The following PSG6 variants were observed in gnomAD, a reference collection of about 807,000 sequenced individuals.
The protein encoded by PSG6 is pregnancy specific beta-1-glycoprotein 6.
A neutral mutation model predicts 43.3 loss-of-function variants in PSG6; 51 were observed. That is an observed-to-expected ratio of 1.18 (90% CI 0.94 to 1.49). The LOEUF (loss-of-function observed/expected upper bound fraction) is 1.49, where lower values mean the gene tolerates loss of function less well. Among genes scored for constraint, PSG6 ranks in the 40% most tolerant of loss-of-function variants. The probability of loss-of-function intolerance (pLI) is 0.00; values close to 1 mark genes in which losing one functional copy is unlikely to be tolerated. For missense variants in PSG6, 770 were observed against 522.2 expected (o/e 1.47, Z -4.62); for synonymous variants, 292 against 197.6 (o/e 1.48, Z -4.01).
At chr19:42,916,080 T>C in intron 2 of PSG6, 45 bp downstream of exon 2, 1 of 1,604,434 alleles carries the variant, frequency 6.2e-7, no homozygotes, top group Non-Finnish European at 8.5e-7. Context: ...GAAGTAGAAA[T>C]GACCCCTGCC....
At chr19:42,916,869 A>G (rs982823456) in intron 1 of PSG6, among the ~76,000 whole-genome samples, 1 of 150,980 alleles carries the variant, frequency 6.6e-6, no homozygotes, top group Non-Finnish European at 1.5e-5. Context: ...TCCCTTTCTG[A>G]CCTTTCCCTG....
rs969291029 is a variant in PSG6, at chr19:42,906,757, A to G, written c.1240+165T>C. The G allele has an allele frequency of 1.5e-5, 23 of 1,567,184 alleles. No homozygotes were observed. The Admixed American group carries it at 3.7e-4, about 25-fold the overall frequency. ...ATGAGAAAACAGAAAAACAAGCAGAAGAGAGTCTGTAGAGATAAGTTGGGA... is the reference window on the plus strand; with the variant it reads ...ATGAGAAAACAGAAAAACAAGCAGAGGAGAGTCTGTAGAGATAAGTTGGGA... On this transcript the variant is annotated intron_variant, in intron 5 of 5. Coordinates refer to ENST00000187910, the MANE Select transcript of PSG6 (RefSeq NM_001031850.4).
At chr19:42,904,295 A>G (rs1452871540) in intron 5 of PSG6, among the ~76,000 whole-genome samples, 1 of 151,712 alleles carries the variant, frequency 6.6e-6, no homozygotes, top group Non-Finnish European at 1.5e-5. Context: ...GAAAGGTCTA[A>G]TCAGAAAAAT....
Position 42,904,745 on chromosome 19 carries a change from C to T in PSG6, c.1240+2177G>A, listed in dbSNP as rs180700041. On this transcript the variant is annotated intron_variant, in intron 5 of 5. Coordinates refer to ENST00000187910, the MANE Select transcript of PSG6 (RefSeq NM_001031850.4). ...GTGAGCTGCAGATTCAATACAATTC[C>T]TATCAGAATCTCAGTGACATTTTTG... is the stretch of plus-strand genomic sequence containing the variant. 2.9e-3 allele frequency among the ~76,000 whole-genome samples: 446 copies of T among 151,686 alleles called. 10 individuals carry two copies. Among genetic ancestry groups the T allele is most frequent in the Non-Finnish European group, 1.2e-3 (81 of 67,886 alleles).
intron 1 of PSG6, among the ~76,000 whole-genome samples, chr19:42,917,451 C>T (rs1229057500): frequency 6.7e-6 from 1 of 148,554 alleles, no homozygotes; most frequent in Non-Finnish European, 1.5e-5. Flanking sequence ...GCAACTTCTG[C>T]CTCCTGGGTT....
chr19:42,910,808 C>T lies in PSG6; in HGVS notation c.478G>A (p.Val160Ile), dbSNP rs945758134. The T allele has an allele frequency of 6.8e-6, 11 of 1,612,048 alleles. 1 individual carries two copies. The highest frequency in any genetic ancestry group is 1.3e-5 in the African/African-American group (1 of 74,716). ...CAGATTAAGCGCACAGCCTCCATGACCTCCCTGGGGTTTAAGTTGCTGCTG... is the reference window on the plus strand; with the variant it reads ...CAGATTAAGCGCACAGCCTCCATGATCTCCCTGGGGTTTAAGTTGCTGCTG... ...ISSSNLNPRE[V>I]MEAVRLICDP... The change falls in exon 3 of 6, where the codon GTC becomes ATC. Residue 160 changes from valine to isoleucine, a missense_variant. Coordinates refer to ENST00000187910, the MANE Select transcript of PSG6 (RefSeq NM_001031850.4).
intron 4 of PSG6, 49 bp from the exon 5 acceptor site, chr19:42,907,225 G>T (rs1972131854): frequency 6.3e-7 from 1 of 1,589,852 alleles, no homozygotes; most frequent in Non-Finnish European, 8.6e-7. Context: ...AAGGGAAGGG[G>T]ATGCTCCTGG....
At chr19:42,913,343 G>C (rs1350068808) in intron 2 of PSG6, among the ~76,000 whole-genome samples, 4 of 151,576 alleles carry the variant, frequency 2.6e-5, no homozygotes, top group Non-Finnish European at 2.9e-5. Flanking sequence ...GTAGAGACGG[G>C]GTTTCACCAT....
rs775610033 is a variant in PSG6 at position 42,916,160 on chromosome 19, C to T, written c.392G>A (p.Gly131Glu). ...GACAGTGAAATATCCAGTTACTCCT[C>T]CAGTCCCATCGCCTCGCTTTATGAT... is the stretch of plus-strand genomic sequence containing the variant. ...LHIIKRGDGTGGVTGYFTVTL... is the reference protein window; with the variant it reads ...LHIIKRGDGTEGVTGYFTVTL... Residue 131 changes from glycine to glutamate, a missense_variant, in exon 2 of 6, where the codon GGA becomes GAA. Gly to Glu is a moderately conservative substitution (Grantham distance 98). Coordinates refer to ENST00000187910, the MANE Select transcript of PSG6 (RefSeq NM_001031850.4). 3 of 1,612,038 alleles carry T rather than the reference C, an allele frequency of 1.9e-6. No individual in the cohort carries two copies. The highest frequency in any genetic ancestry group is 2.5e-6 in the Non-Finnish European group (3 of 1,179,004).
intron 3 of PSG6, chr19:42,910,218 A>C: frequency 7.1e-6 from 3 of 425,102 alleles, no homozygotes; most frequent in African/African-American, 4.0e-5. Flanking sequence ...GTCAGAGGGA[A>C]GGGAAAATCC....
chr19:42,915,262 T>C (rs1005786725), intron 2 of PSG6: 3 of 151,790 alleles, frequency 2.0e-5, no homozygotes, highest in African/African-American at 7.3e-5. Flanking sequence ...CTTTTCATGC[T>C]ATCTGTGAAT....
chr19:42,909,621 C>A (rs1485943551), intron 3 of PSG6: 1 of 151,596 alleles, frequency 6.6e-6, no homozygotes, highest in Non-Finnish European at 1.5e-5. Flanking sequence ...AGGGTATAAT[C>A]ATTTGACCTT....
rs190534044 is a variant in PSG6 at position 42,908,205 on chromosome 19, C to G, written c.707-351G>C. Among the ~76,000 whole-genome samples, 295 of 151,746 alleles carry G rather than the reference C, an allele frequency of 1.9e-3. 13 individuals carry two copies. The highest frequency in any genetic ancestry group is 0.017 in the Admixed American group (251 of 15,182). The stretch of plus-strand genomic sequence containing the variant: ...GTTCCTTACCTGGAATGTGCAACTG[C>G]TGGGCCCCTTCCAAATTACATCCTA... On this transcript the variant is annotated intron_variant, in intron 3 of 5. Transcript: ENST00000187910.
chr19:42,911,090 G>A (rs1327295741), intron 2 of PSG6, among the ~76,000 whole-genome samples: 2 of 151,570 alleles, frequency 1.3e-5, no homozygotes, highest in Non-Finnish European at 2.9e-5. Flanking sequence ...GAATTGAGCA[G>A]CAGCATTGGG....
chr19:42,911,578 C>A (rs1325399561), intron 2 of PSG6, among the ~76,000 whole-genome samples: 2 of 151,604 alleles, frequency 1.3e-5, no homozygotes, highest in Non-Finnish European at 2.9e-5. Context: ...GACCATGATC[C>A]CTGTTCTGGG....
intron 5 of PSG6, among the ~76,000 whole-genome samples, chr19:42,906,316 G>A (rs1297636926): frequency 2.0e-5 from 3 of 151,484 alleles, no homozygotes; most frequent in Admixed American, 6.6e-5. Context: ...GGGAGGCTTG[G>A]CTTCAACTGG....
intron 2 of PSG6, among the ~76,000 whole-genome samples, chr19:42,913,688 G>T (rs1018869894): frequency 6.6e-6 from 1 of 151,684 alleles, no homozygotes; most frequent in Non-Finnish European, 1.5e-5. Flanking sequence ...CATCACTATT[G>T]TAGAACGTGA....
intron 4 of PSG6, 139 bp from the exon 5 acceptor site, chr19:42,907,315 C>T (rs1972133645): frequency 1.4e-6 from 2 of 1,479,316 alleles, no homozygotes; most frequent in Non-Finnish European, 1.8e-6. Context: ...GTTTACTAAG[C>T]CCAAGCCTGA....
chr19:42,911,794 T>C (rs370903682), intron 2 of PSG6, among the ~76,000 whole-genome samples: 27 of 151,698 alleles, frequency 1.8e-4, no homozygotes, highest in East Asian at 1.9e-4. Context: ...TACTTTCTCT[T>C]ATTAGACATT....
Sources: gnomAD v4.1 joint callset for allele counts (sites outside exome capture counted in the v4.1 genomes callset) on GRCh38, gnomAD v4.1.1 for gene constraint, MANE v1.5 for transcripts, NCBI Gene and HGNC (gene_info 2026-07-23, HGNC 2026-07-21) for gene names.